Variants in WDR49 observed in about 807,000 individuals in gnomAD.
WDR49 encodes WD repeat domain 49.
Under a neutral mutation model 119.5 loss-of-function variants are expected in WDR49, and 107 were observed. That is an observed-to-expected ratio of 0.90 (90% CI 0.77 to 1.05). WDR49 has a LOEUF of 1.05. Ranked by LOEUF, WDR49 falls within the 50% of genes least tolerant of loss-of-function variation. The pLI is 0.00. For missense variants in WDR49, 1,240 were observed against 1,220.5 expected (o/e 1.02, Z -0.24); for synonymous variants, 425 against 418.8 (o/e 1.01, Z -0.18).
At chr3:167,625,752 C>G (rs1464398226) in intron 3 of WDR49, among the ~76,000 whole-genome samples, 1 of 151,814 alleles carries the variant, frequency 6.6e-6, no homozygotes, top group Admixed American at 6.6e-5. Context: ...CACTCTGAAA[C>G]GATGCAAGGC....
intron 5 of WDR49, among the ~76,000 whole-genome samples, chr3:167,609,329 C>T (rs1204891585): frequency 1.3e-5 from 2 of 152,130 alleles, no homozygotes; most frequent in Non-Finnish European, 2.9e-5. Flanking sequence ...GAATCACCAA[C>T]GCCCACCCTT....
chr3:167,606,329 A>C (rs1223410410), intron 5 of WDR49, among the ~76,000 whole-genome samples: 1 of 152,118 alleles, frequency 6.6e-6, no homozygotes, highest in Non-Finnish European at 1.5e-5. Context: ...TTCTCACTAT[A>C]CTCATAAAGT....
In WDR49 at chr3:167,529,246, T is replaced by G. The variant is rs1256345443; in HGVS notation, c.2219-7A>C. 2 of 1,561,154 alleles carry G rather than the reference T, an allele frequency of 1.3e-6. No individual in the cohort carries two copies. Among genetic ancestry groups the G allele is most frequent in the East Asian group, 4.6e-5 (2 of 43,780 alleles). On this transcript the variant is annotated splice_region_variant and splice_polypyrimidine_tract_variant and intron_variant, in intron 13 of 18. Coordinates refer to ENST00000682715, the MANE Select transcript of WDR49 (RefSeq NM_001366157.1). ...GATACCAGGTTAGCTCCTCCTAACA[T>G]GTAAGGGAAAAATCTAACTAGAAAA... is the stretch of plus-strand genomic sequence containing the variant.
intron 10 of WDR49, among the ~76,000 whole-genome samples, chr3:167,550,763 G>GTT (rs1308991677): frequency 8.3e-4 from 112 of 135,698 alleles, no homozygotes; most frequent in Admixed American, 1.9e-3. Flanking sequence ...GAACTAGGAG[G>GTT]TTTTTTTTTT....
At chr3:167,630,844 GTTAA>G in intron 2 of WDR49, among the ~76,000 whole-genome samples, 1 of 152,118 alleles carries the variant, frequency 6.6e-6, no homozygotes, top group East Asian at 1.9e-4. Flanking sequence ...TTAATATATT[GTTAA>G]TTAATCACAA....
chr3:167,626,415 C>T (rs1717129393), intron 3 of WDR49, among the ~76,000 whole-genome samples: 1 of 152,020 alleles, frequency 6.6e-6, no homozygotes, highest in African/African-American at 2.4e-5. Flanking sequence ...AGTATGTTAT[C>T]TTTCTGAGAG....
chr3:167,554,537 G>T, intron 10 of WDR49, 113 bp downstream of exon 10: 1 of 573,166 alleles, frequency 1.7e-6, no homozygotes. Context: ...ATTCCAACTA[G>T]GGTATCACTC....
chr3:167,571,958 C>A (rs963188323), intron 8 of WDR49, among the ~76,000 whole-genome samples: 4 of 152,184 alleles, frequency 2.6e-5, no homozygotes, highest in African/African-American at 9.7e-5. Flanking sequence ...CATCAACCTA[C>A]ATCATTAGGA....
chr3:167,618,058 T>C (rs535672160), intron 5 of WDR49, among the ~76,000 whole-genome samples: 83 of 152,330 alleles, frequency 5.4e-4, no homozygotes, highest in South Asian at 5.4e-3. Context: ...GTGTCTGATC[T>C]ATTCATGTCT....
In WDR49 at chr3:167,610,380, G is replaced by A. The variant is rs1450201006; in HGVS notation, c.959-5912C>T. 5.3e-5 allele frequency among the ~76,000 whole-genome samples: 8 copies of A among 152,208 alleles called. No homozygotes were observed. The South Asian group carries it at 1.7e-3, about 31-fold the overall frequency. On this transcript the variant is annotated intron_variant, in intron 5 of 18. Coordinates refer to ENST00000682715, the MANE Select transcript of WDR49 (RefSeq NM_001366157.1). The stretch of plus-strand genomic sequence containing the variant: ...GACTTAAGAAACAGTGGGCCATTAG[G>A]GAACATCAACAGTAGTCAGGAAGTA...
chr3:167,567,125 A>C (rs894772368), intron 8 of WDR49, among the ~76,000 whole-genome samples: 1 of 152,200 alleles, frequency 6.6e-6, no homozygotes, highest in African/African-American at 2.4e-5. Flanking sequence ...TTCAGTGCCC[A>C]TAGTGTAGAA....
intron 2 of WDR49, among the ~76,000 whole-genome samples, chr3:167,651,358 A>G (rs1015407188): frequency 6.6e-6 from 1 of 152,188 alleles, no homozygotes; most frequent in Non-Finnish European, 1.5e-5. Flanking sequence ...CAGGAATGCT[A>G]TTGAGGGCAT....
chr3:167,599,120 T>C (rs1159836748), intron 7 of WDR49, among the ~76,000 whole-genome samples: 3 of 152,160 alleles, frequency 2.0e-5, no homozygotes, highest in African/African-American at 7.2e-5. Flanking sequence ...GCTCTGGGGC[T>C]CTATGGTCAG....
intron 3 of WDR49, among the ~76,000 whole-genome samples, chr3:167,626,291 T>A (rs1274230638): frequency 1.3e-5 from 2 of 152,042 alleles, no homozygotes; most frequent in Non-Finnish European, 2.9e-5. Flanking sequence ...TTCTCTCTGC[T>A]TGTGGGTGCA....
intron 7 of WDR49, among the ~76,000 whole-genome samples, chr3:167,584,708 C>G (rs759308024): frequency 1.5e-4 from 23 of 151,416 alleles, no homozygotes; most frequent in Non-Finnish European, 3.4e-4. Flanking sequence ...CAAAAAATAA[C>G]CTTAGGCAAC....
chr3:167,550,986 A>G (rs1476035566), intron 10 of WDR49, among the ~76,000 whole-genome samples: 2 of 151,952 alleles, frequency 1.3e-5, no homozygotes, highest in East Asian at 3.9e-4. Flanking sequence ...GGTATTTGTG[A>G]ATTGACTCTA....
intron 2 of WDR49, among the ~76,000 whole-genome samples, chr3:167,648,930 TA>T (rs1332428882): frequency 8.5e-5 from 13 of 152,192 alleles, no homozygotes; most frequent in African/African-American, 1.9e-4. Context: ...GCATACACTA[TA>T]AAAAATATTT....
At chr3:167,505,277 A>G in intron 17 of WDR49, 30 bp downstream of exon 17, 1 of 1,441,058 alleles carries the variant, frequency 6.9e-7, no homozygotes, top group Non-Finnish European at 9.1e-7. Context: ...ATAATATTAT[A>G]AAAATACATT....
intron 16 of WDR49, among the ~76,000 whole-genome samples, chr3:167,515,814 A>T (rs540959560): frequency 6.6e-6 from 1 of 152,314 alleles, no homozygotes; most frequent in South Asian, 2.1e-4. Flanking sequence ...ATGTGCAAAA[A>T]TCACAAGCAC....
Sources: allele counts gnomAD v4.1 joint callset (sites outside exome capture counted in the v4.1 genomes callset), GRCh38; gene constraint gnomAD v4.1.1; transcripts MANE v1.5; gene names NCBI Gene and HGNC (gene_info 2026-07-23, HGNC 2026-07-21).